Variants in OVCH2 observed in about 807,000 individuals in gnomAD.
OVCH2 encodes ovochymase 2.
In OVCH2, 88 loss-of-function variants were observed where a neutral mutation model predicts 73.7. That is an observed-to-expected ratio of 1.19 (90% CI 1.01 to 1.43). The LOEUF is 1.43. OVCH2 is among the 40% of genes most tolerant of loss of function. The probability of loss-of-function intolerance (pLI) is 0.00; values close to 1 mark genes in which losing one functional copy is unlikely to be tolerated. For missense variants in OVCH2, 706 were observed against 674.5 expected (o/e 1.05, Z -0.52); for synonymous variants, 265 against 234.5 (o/e 1.13, Z -1.19).
chr11:7,700,568 G>A, intron 6 of OVCH2, 83 bp from the exon 7 acceptor site: 1 of 1,435,758 alleles, frequency 7.0e-7, no homozygotes. Context: ...AAGGATGCTG[G>A]AGGAGGATCA....
intron 5 of OVCH2, 97 bp downstream of exon 5, chr11:7,701,619 C>A (rs1856439285): frequency 7.1e-7 from 1 of 1,402,816 alleles, no homozygotes; most frequent in Non-Finnish European, 9.5e-7. Flanking sequence ...AATGTATGCA[C>A]AATCGATTTT....
chr11:7,696,752 G>C lies in OVCH2; in HGVS notation c.973C>G (p.Leu325Val), dbSNP rs1022475097. ...AGGTGGAGGCTTTCTGGGAAGTGCA[G>C]CTTCCCCTCAGCCCCGCTGACTATG... is the stretch of plus-strand genomic sequence containing the variant. Reference protein sequence around the residue: ...DVIVSGAEGKLHFPESLHLYY... With the variant: ...DVIVSGAEGKVHFPESLHLYY... The change falls in exon 9 of 16, where the codon CTG (leucine) becomes GTG (valine). Residue 325 changes from leucine to valine, a missense_variant. Coordinates refer to ENST00000533663, the MANE Select transcript of OVCH2 (RefSeq NM_198185.7). 1 of 1,612,852 alleles carries C rather than the reference G, an allele frequency of 6.2e-7. No homozygotes were observed. The highest frequency in any genetic ancestry group is 1.3e-5 in the African/African-American group (1 of 74,908).
chr11:7,695,288 G>T, intron 11 of OVCH2, 100 bp from the exon 12 acceptor site: 4 of 1,335,582 alleles, frequency 3.0e-6, no homozygotes, highest in Non-Finnish European at 4.0e-6. Context: ...CATATCAATT[G>T]CATTTTCAGA....
rs541128455 is a variant in OVCH2 at position 7,695,841 on chromosome 11, A to G, written c.1142-131T>C. On this transcript the variant is annotated intron_variant, in intron 10 of 15. Transcript: ENST00000533663. The stretch of plus-strand genomic sequence containing the variant: ...TCCAAAGTTTCTCAGTCTTGTCACA[A>G]TTGACATTTTGAGCCAGAACCTTCT... The G allele has an allele frequency of 4.7e-5, 59 of 1,252,494 alleles. No individual in the cohort carries two copies. In the African/African-American group the frequency reaches 7.6e-4, roughly 16 times the overall value. 77.6% of individuals were successfully genotyped at this position (1,252,494 alleles called of 1,614,324 possible). A position where few individuals can be genotyped will look rare whatever the true frequency, so the allele number is the denominator to read the frequency against.
chr11:7,695,856 C>A, intron 10 of OVCH2, 146 bp from the exon 11 acceptor site: 1 of 1,125,492 alleles, frequency 8.9e-7, no homozygotes, highest in South Asian at 1.5e-5. Context: ...CATTTTGAGC[C>A]AGAACCTTCT....
chr11:7,689,992 G>A lies in OVCH2; in HGVS notation c.1661C>T (p.Ser554Phe), dbSNP rs1038742333. 13 of 1,524,834 alleles carry A rather than the reference G, an allele frequency of 8.5e-6. No homozygotes were observed. In the African/African-American group the frequency reaches 1.8e-4, roughly 21 times the overall value. 94.5% of individuals were successfully genotyped at this position (1,524,834 alleles called of 1,614,324 possible). A position where few individuals can be genotyped will look rare whatever the true frequency, so the allele number is the denominator to read the frequency against. ...AAACATTGATTCATCCTCTGATATG[G>A]AGATGTTTAAATCTGGGTATACTGG... ...PKAVYPDLNISISEDESMFLE... is the reference protein window; with the variant it reads ...PKAVYPDLNIFISEDESMFLE... Residue 554 changes from serine to phenylalanine, a missense_variant, in exon 15 of 16, where the codon TCC (serine) becomes TTC (phenylalanine). Coordinates refer to ENST00000533663, the MANE Select transcript of OVCH2 (RefSeq NM_198185.7).
At chr11:7,683,269 G>A in the OVCH2 span, among the ~76,000 whole-genome samples, 21 of 152,176 alleles carry the variant, frequency 1.4e-4, no homozygotes, top group Non-Finnish European at 2.2e-4. Flanking sequence ...GGTATCTACC[G>A]CTCCCCGCCC....
downstream of OVCH2, among the ~76,000 whole-genome samples, chr11:7,688,076 C>T (rs1856162751): frequency 6.6e-6 from 1 of 152,204 alleles, no homozygotes; most frequent in Admixed American, 6.5e-5. Flanking sequence ...CAGTCCACAG[C>T]AAAACCTAAT....
the OVCH2 span, among the ~76,000 whole-genome samples, chr11:7,682,088 A>T: frequency 6.6e-6 from 1 of 152,210 alleles, no homozygotes; most frequent in African/African-American, 2.4e-5. Flanking sequence ...TCTGAGCGTT[A>T]TTCTAAAACC....
intron 3 of OVCH2, among the ~76,000 whole-genome samples, chr11:7,703,263 G>A (rs574083656): frequency 1.7e-4 from 26 of 150,878 alleles, no homozygotes; most frequent in Non-Finnish European, 3.5e-4. Context: ...TTGAGTCCCA[G>A]AGAGGCAGGA....
intron 7 of OVCH2, chr11:7,699,477 T>G (rs1856394832): frequency 2.0e-5 from 3 of 152,240 alleles, no homozygotes; most frequent in Admixed American, 2.0e-4. Flanking sequence ...GTCTCTGGAG[T>G]GCTTGCGATA....
At chr11:7,687,028 A>G (rs1856148976), downstream of OVCH2, among the ~76,000 whole-genome samples, 2 of 152,124 alleles carry the variant, frequency 1.3e-5, no homozygotes, top group African/African-American at 2.4e-5. Context: ...TTCTGATGCA[A>G]AGGTGGGGAT....
chr11:7,695,998 G>T (rs1463579387), intron 10 of OVCH2, among the ~76,000 whole-genome samples: 1 of 152,156 alleles, frequency 6.6e-6, no homozygotes, highest in Non-Finnish European at 1.5e-5. Flanking sequence ...CTGAGGGTTG[G>T]GGGTACAAAA....
chr11:7,682,548 T>C, the OVCH2 span, among the ~76,000 whole-genome samples: 7 of 152,220 alleles, frequency 4.6e-5, no homozygotes, highest in African/African-American at 1.4e-4. Flanking sequence ...TGAGAAAGTA[T>C]AGAGATGTAG....
At chr11:7,690,036 T>G (rs1302439833) in intron 14 of OVCH2, 23 bp from the exon 15 acceptor site, 1 of 1,435,610 alleles carries the variant, frequency 7.0e-7, no homozygotes, top group South Asian at 1.2e-5. Context: ...ATGATACAAT[T>G]ACTCAGTTTC....
chr11:7,694,686 C>T (rs1399245930), intron 12 of OVCH2, among the ~76,000 whole-genome samples: 3 of 151,964 alleles, frequency 2.0e-5, no homozygotes, highest in African/African-American at 7.3e-5. Flanking sequence ...GGCGCGATCT[C>T]GGCTCATTGC....
In OVCH2 at chr11:7,691,918, T is replaced by G; in HGVS notation, c.1491A>C (p.Glu497Asp). The G allele has an allele frequency of 1.3e-6, 2 of 1,569,662 alleles. No homozygotes were observed. The highest frequency in any genetic ancestry group is 1.7e-6 in the Non-Finnish European group (2 of 1,155,654). Reference protein sequence around the residue: ...SDYVTVHSDVERKKEIARLCG... With the variant: ...SDYVTVHSDVDRKKEIARLCG... Reference sequence around the variant, plus strand: ...GACACAAACCTATTTCCTTCTTCCTTTCTACATCGCTGTGCACTGTCACAT... The same window carrying G: ...GACACAAACCTATTTCCTTCTTCCTGTCTACATCGCTGTGCACTGTCACAT... The change falls in exon 13 of 16, where the codon GAA becomes GAC. Residue 497 changes from glutamate (E) to aspartate (D), a missense_variant. By Grantham distance (45) the Glu-to-Asp change is conservative. Coordinates refer to ENST00000533663, the MANE Select transcript of OVCH2 (RefSeq NM_198185.7).
At chr11:7,681,432 G>A in the OVCH2 span, among the ~76,000 whole-genome samples, 1 of 152,140 alleles carries the variant, frequency 6.6e-6, no homozygotes, top group Non-Finnish European at 1.5e-5. Context: ...GGGCTAACAT[G>A]GGCATGATAG....
At chr11:7,686,125 C>T (rs1454464974), downstream of OVCH2, among the ~76,000 whole-genome samples, 1 of 152,182 alleles carries the variant, frequency 6.6e-6, no homozygotes, top group African/African-American at 2.4e-5. Flanking sequence ...AATATACCCA[C>T]CTGAGAGGTA....
Sources: gnomAD v4.1 joint callset for allele counts (sites outside exome capture counted in the v4.1 genomes callset) on GRCh38, gnomAD v4.1.1 for gene constraint, MANE v1.5 for transcripts, NCBI Gene and HGNC (gene_info 2026-07-23, HGNC 2026-07-21) for gene names.